The following CAND1 variants were observed in gnomAD, a reference collection of about 807,000 sequenced individuals.
The protein encoded by CAND1 is cullin-associated NEDD8-dissociated protein 1.
In CAND1, 7 loss-of-function variants were observed where a neutral mutation model predicts 108.5. That is an observed-to-expected ratio of 0.06 (90% CI 0.04 to 0.12). CAND1 has a LOEUF of 0.12. CAND1 is among the 10% of genes least tolerant of loss of function. The probability of loss-of-function intolerance (pLI) is 1.00; values close to 1 mark genes in which losing one functional copy is unlikely to be tolerated. For synonymous variants in CAND1, 534 were observed against 512.0 expected (o/e 1.04, Z -0.58); for missense variants, 941 against 1,448.7 (o/e 0.65, Z 5.69).
intron 1 of CAND1, among the ~76,000 whole-genome samples, chr12:67,281,374 A>G (rs1290555948): frequency 6.6e-6 from 1 of 152,074 alleles, no homozygotes; most frequent in Non-Finnish European, 1.5e-5. Context: ...ATACCTAGTG[A>G]TGGGTATTTT....
chr12:67,309,859 AG>A (rs1385781390), intron 11 of CAND1, 41 bp from the exon 12 acceptor site: 1 of 1,381,600 alleles, frequency 7.2e-7, no homozygotes. Context: ...TTGTATTTTA[AG>A]TTTATCATGT....
In CAND1 at chr12:67,318,717, A is replaced by G. The variant is rs1024919181; in HGVS notation, c.*5887A>G. 1 of 152,188 alleles carries G rather than the reference A, an allele frequency of 6.6e-6. No individual in the cohort carries two copies. The highest frequency in any genetic ancestry group is 2.4e-5 in the African/African-American group (1 of 41,444). 9.4% of individuals were successfully genotyped at this position (152,188 alleles called of 1,614,324 possible). A position where few individuals can be genotyped will look rare whatever the true frequency, so the allele number is the denominator to read the frequency against. On this transcript the variant is annotated 3_prime_UTR_variant, in exon 15 of 15. Transcript: ENST00000545606. ...TTTATTACGCGCTTAGGGTGCTGCC[A>G]GGGCTACAAAAGCTGTTGAGACTGT...
intron 1 of CAND1, among the ~76,000 whole-genome samples, chr12:67,279,412 C>T (rs1002088568): frequency 6.6e-5 from 10 of 152,078 alleles, no homozygotes; most frequent in African/African-American, 1.2e-4. Context: ...AAACAGCTTC[C>T]TTAATAAGAT....
Position 67,292,774 on chromosome 12 carries a change from G to C in CAND1, c.365G>C (p.Ser122Thr). Residue 122 changes from serine to threonine, a missense_variant and splice_region_variant, in exon 3 of 15, where the codon AGT becomes ACT. Transcript: ENST00000545606. Reference protein sequence around the residue: ...TVIGELPPASSGSALAANVCK... With the variant: ...TVIGELPPASTGSALAANVCK... ...ATTGGAGAACTTCCTCCAGCTTCCA[G>C]TGGTAAGCAAGAGCACATTTTTCTT... 6.2e-7 allele frequency: 1 copy of C among 1,613,010 alleles called. No homozygotes were observed. The highest frequency in any genetic ancestry group is 1.7e-5 in the Admixed American group (1 of 59,792).
In CAND1 at chr12:67,316,859, T is replaced by C. The variant is rs1017600022; in HGVS notation, c.*4029T>C. On this transcript the variant is annotated 3_prime_UTR_variant, in exon 15 of 15. Transcript: ENST00000545606. ...TGCTCTCAAAAAAATAGTAAAGAAT[T>C]GTACTTCAGGGCCAGATGGCAGCTC... 1 of 152,086 alleles carries C rather than the reference T, an allele frequency of 6.6e-6. No individual in the cohort carries two copies. Among genetic ancestry groups the C allele is most frequent in the Non-Finnish European group, 1.5e-5 (1 of 68,010 alleles). 9.4% of individuals were successfully genotyped at this position (152,086 alleles called of 1,614,324 possible).
chr12:67,308,870 C>T (rs748427374), intron 11 of CAND1, among the ~76,000 whole-genome samples: 6 of 151,688 alleles, frequency 4.0e-5, no homozygotes, highest in Non-Finnish European at 5.9e-5. Flanking sequence ...CATTGGGTTT[C>T]CCAATCTACA....
chr12:67,287,217 C>A (rs894853644), intron 2 of CAND1, among the ~76,000 whole-genome samples: 8 of 152,276 alleles, frequency 5.3e-5, no homozygotes, highest in Admixed American at 5.2e-4. Context: ...TCTTGGAGAG[C>A]AAAAATTGCC....
chr12:67,285,190 AGTGTT>A (rs985906896), intron 2 of CAND1, among the ~76,000 whole-genome samples: 9 of 152,184 alleles, frequency 5.9e-5, no homozygotes, highest in African/African-American at 2.2e-4. Flanking sequence ...CTTGTATTGC[AGTGTT>A]GTGTAGTGTA....
At chr12:67,299,234 G>A (rs1012995687) in intron 7 of CAND1, 139 bp downstream of exon 7, 3 of 803,544 alleles carry the variant, frequency 3.7e-6, no homozygotes, top group Admixed American at 3.5e-5. Context: ...TTTGACAACA[G>A]CAAATTAAGT....
At chr12:67,308,455 C>T (rs1342864567) in intron 11 of CAND1, among the ~76,000 whole-genome samples, 1 of 152,092 alleles carries the variant, frequency 6.6e-6, no homozygotes, top group Non-Finnish European at 1.5e-5. Context: ...CAAAATAGGA[C>T]AGAGGAAGAG....
In CAND1 at chr12:67,297,539, T is replaced by C; in HGVS notation, c.624T>C (p.Asn208=). The C allele has an allele frequency of 6.2e-7, 1 of 1,614,134 alleles. No individual in the cohort carries two copies. Among genetic ancestry groups the C allele is most frequent in the Admixed American group, 1.7e-5 (1 of 60,018 alleles). Residue 208 remains asparagine (N), a synonymous_variant, in exon 5 of 15, where the codon AAT becomes AAC. Transcript: ENST00000545606. ...GCCATCTGGTTATGAGCTGTGGAAA[T>C]ATAGTTTTTGTAGATCTTATTGAAC... The part of the protein sequence containing the change: ...ALGHLVMSCG[N]IVFVDLIEHL...
chr12:67,304,254 C>G (rs371369097), intron 8 of CAND1, among the ~76,000 whole-genome samples: 2 of 152,172 alleles, frequency 1.3e-5, no homozygotes, highest in African/African-American at 4.8e-5. Context: ...TCCCAAAGTG[C>G]TGGGATTACA....
intron 2 of CAND1, among the ~76,000 whole-genome samples, chr12:67,290,330 G>GT (rs2044711122): frequency 6.6e-6 from 1 of 152,084 alleles, no homozygotes; most frequent in South Asian, 2.1e-4. Context: ...AGTCAACATG[G>GT]TGAAACCCCG....
intron 1 of CAND1, among the ~76,000 whole-genome samples, chr12:67,279,295 G>T (rs966014123): frequency 6.6e-6 from 1 of 151,976 alleles, no homozygotes. Flanking sequence ...ATATGCTCTT[G>T]AGTAGTGTTT....
Position 67,314,607 on chromosome 12 carries a change from G to A in CAND1, c.*1777G>A, listed in dbSNP as rs2044989530. 1 of 152,186 alleles carries A rather than the reference G, an allele frequency of 6.6e-6. No homozygotes were observed. Among genetic ancestry groups the A allele is most frequent in the African/African-American group, 2.4e-5 (1 of 41,450 alleles). 9.4% of individuals were successfully genotyped at this position (152,186 alleles called of 1,614,324 possible). On this transcript the variant is annotated 3_prime_UTR_variant, in exon 15 of 15. Coordinates refer to ENST00000545606, the MANE Select transcript of CAND1 (RefSeq NM_018448.5). ...TTTACAATAAATTACAATACTGCAG[G>A]CTCTAGGACTGAACAGGAGACTGAC...
chr12:67,270,155 G>A (rs575095885), intron 1 of CAND1: 1 of 194,858 alleles, frequency 5.1e-6, no homozygotes, highest in African/African-American at 2.3e-5. Flanking sequence ...GGGAGACCGG[G>A]CGCCGGGCCT....
intron 6 of CAND1, among the ~76,000 whole-genome samples, chr12:67,298,289 A>T (rs2044789213): frequency 6.6e-6 from 1 of 152,206 alleles, no homozygotes; most frequent in Non-Finnish European, 1.5e-5. Context: ...AAAGCTTAGT[A>T]AAAGTTGTGT....
chr12:67,281,027 G>C (rs906791801), intron 1 of CAND1, among the ~76,000 whole-genome samples: 3 of 151,850 alleles, frequency 2.0e-5, no homozygotes, highest in Admixed American at 6.6e-5. Context: ...GATTCCCTGA[G>C]GTCAGGAGTT....
chr12:67,290,357 A>G (rs2044711379), intron 2 of CAND1, among the ~76,000 whole-genome samples: 2 of 152,126 alleles, frequency 1.3e-5, no homozygotes. Context: ...CTAAAAATAC[A>G]AAAAGTAATG....
Sources: gnomAD v4.1 joint callset for allele counts (sites outside exome capture counted in the v4.1 genomes callset) on GRCh38, gnomAD v4.1.1 for gene constraint, MANE v1.5 for transcripts, NCBI Gene and HGNC (gene_info 2026-07-23, HGNC 2026-07-21) for gene names.